GRID2: variants seen among roughly 807,000 people sequenced by gnomAD.
The protein encoded by GRID2 is glutamate ionotropic receptor delta type subunit 2.
Under a neutral mutation model 114.8 loss-of-function variants are expected in GRID2, and 33 were observed. That is an observed-to-expected ratio of 0.29 (90% CI 0.22 to 0.38). The LOEUF is 0.38. Ranked by LOEUF, GRID2 falls within the 10% of genes least tolerant of loss-of-function variation. GRID2 has a pLI of 1.00. For synonymous variants in GRID2, 505 were observed against 449.9 expected (o/e 1.12, Z -1.55); for missense variants, 1,184 against 1,257.7 (o/e 0.94, Z 0.89).
At chr4:92,652,147 GAAC>G (rs1485388317) in intron 2 of GRID2, among the ~76,000 whole-genome samples, 1 of 152,026 alleles carries the variant, frequency 6.6e-6, no homozygotes, top group Non-Finnish European at 1.5e-5. Flanking sequence ...ATTATGGGCA[GAAC>G]AAGATGGATT....
intron 1 of GRID2, among the ~76,000 whole-genome samples, chr4:92,440,613 C>T (rs953361516): frequency 4.0e-5 from 6 of 151,338 alleles, no homozygotes; most frequent in Admixed American, 2.6e-4. Flanking sequence ...TAGATTTCCA[C>T]GATGGAAAGG....
chr4:93,019,007 G>T (rs997969440), intron 2 of GRID2, among the ~76,000 whole-genome samples: 1 of 152,112 alleles, frequency 6.6e-6, no homozygotes, highest in Non-Finnish European at 1.5e-5. Flanking sequence ...TTCACAATAT[G>T]TGAGTTATCT....
At chr4:93,114,981 A>T (rs1733100766) in intron 4 of GRID2, among the ~76,000 whole-genome samples, 1 of 152,102 alleles carries the variant, frequency 6.6e-6, no homozygotes, top group Non-Finnish European at 1.5e-5. Flanking sequence ...GCTTAGCCAG[A>T]GTCAGAACAA....
chr4:92,531,329 A>G (rs1271271800), intron 1 of GRID2, among the ~76,000 whole-genome samples: 1 of 152,166 alleles, frequency 6.6e-6, no homozygotes, highest in Non-Finnish European at 1.5e-5. Context: ...GTTTTTCAGT[A>G]GAACATAATG....
At chr4:93,129,166 C>T (rs1734566230) in intron 4 of GRID2, among the ~76,000 whole-genome samples, 1 of 152,122 alleles carries the variant, frequency 6.6e-6, no homozygotes, top group African/African-American at 2.4e-5. Flanking sequence ...ACACAAATAA[C>T]TTTTTTATTA....
chr4:93,389,857 C>T (rs111887823), intron 8 of GRID2, among the ~76,000 whole-genome samples: 5,554 of 151,532 alleles, frequency 0.037, 136 homozygotes, highest in South Asian at 0.088. Context: ...GTGGCACCCT[C>T]GGCTCACGGC....
intron 14 of GRID2, among the ~76,000 whole-genome samples, chr4:93,713,317 A>C (rs1728641030): frequency 6.6e-6 from 1 of 152,042 alleles, no homozygotes; most frequent in Admixed American, 6.6e-5. Context: ...TGACATTTTA[A>C]AGTCTTATCC....
chr4:93,190,619 A>T (rs1003850496), intron 4 of GRID2, among the ~76,000 whole-genome samples: 4 of 152,164 alleles, frequency 2.6e-5, no homozygotes, highest in Non-Finnish European at 5.9e-5. Context: ...TAAGTTTCTT[A>T]GTCATATTCA....
chr4:93,184,420 A>G (rs888170611), intron 4 of GRID2, among the ~76,000 whole-genome samples: 5 of 147,390 alleles, frequency 3.4e-5, no homozygotes, highest in African/African-American at 1.3e-4. Flanking sequence ...AATTTTGTAT[A>G]TGCATTATCT....
chr4:93,378,177 C>T (rs540536878), intron 8 of GRID2, among the ~76,000 whole-genome samples: 8 of 152,060 alleles, frequency 5.3e-5, no homozygotes, highest in Non-Finnish European at 8.8e-5. Flanking sequence ...TGCCTGTCTG[C>T]TCTGAAAATA....
chr4:92,697,013 G>A (rs1362316625), intron 2 of GRID2, among the ~76,000 whole-genome samples: 1 of 152,124 alleles, frequency 6.6e-6, no homozygotes, highest in Non-Finnish European at 1.5e-5. Flanking sequence ...AATGACCCTT[G>A]TGAAATGAAT....
chr4:93,081,116 A>T (rs1194757840), intron 2 of GRID2, among the ~76,000 whole-genome samples: 1 of 131,066 alleles, frequency 7.6e-6, no homozygotes. Flanking sequence ...ACACATTCCA[A>T]CCACAGCAGT....
chr4:92,451,623 A>G (rs113645393), intron 1 of GRID2, among the ~76,000 whole-genome samples: 1 of 152,166 alleles, frequency 6.6e-6, no homozygotes, highest in Non-Finnish European at 1.5e-5. Flanking sequence ...AAATCCTTTG[A>G]GTGCTACAAA....
chr4:93,339,676 T>G (rs1439137310), intron 8 of GRID2, among the ~76,000 whole-genome samples: 1 of 152,206 alleles, frequency 6.6e-6, no homozygotes, highest in Non-Finnish European at 1.5e-5. Context: ...GAAAAAATTT[T>G]TCTTTATCTG....
chr4:93,195,058 G>T (rs972846871), intron 4 of GRID2, among the ~76,000 whole-genome samples: 1 of 152,050 alleles, frequency 6.6e-6, no homozygotes, highest in Non-Finnish European at 1.5e-5. Context: ...CAAGAATTTT[G>T]TTCTAATTTT....
At chr4:93,480,956 A>G (rs1725804352) in intron 11 of GRID2, among the ~76,000 whole-genome samples, 1 of 151,950 alleles carries the variant, frequency 6.6e-6, no homozygotes, top group Non-Finnish European at 1.5e-5. Flanking sequence ...AATTTCATGC[A>G]TTTTTGGTTC....
At chr4:92,515,417 A>T (rs1448409785) in intron 1 of GRID2, among the ~76,000 whole-genome samples, 1 of 151,952 alleles carries the variant, frequency 6.6e-6, no homozygotes, top group East Asian at 1.9e-4. Context: ...ATAAAAGATT[A>T]TATTGAATAA....
intron 1 of GRID2, among the ~76,000 whole-genome samples, chr4:92,437,549 G>A (rs1056116724): frequency 1.8e-4 from 27 of 152,194 alleles, no homozygotes; most frequent in Non-Finnish European, 7.3e-5. Flanking sequence ...GATTACAGGC[G>A]TGAGCTACTG....
intron 8 of GRID2, among the ~76,000 whole-genome samples, chr4:93,366,228 GA>G (rs775099189): frequency 1.3e-4 from 20 of 152,082 alleles, no homozygotes; most frequent in Non-Finnish European, 2.5e-4. Flanking sequence ...TCTCTTCTTT[GA>G]AAAGCAAATG....
Sources: gnomAD v4.1 joint callset for allele counts (sites outside exome capture counted in the v4.1 genomes callset) on GRCh38, gnomAD v4.1.1 for gene constraint, MANE v1.5 for transcripts, NCBI Gene and HGNC (gene_info 2026-07-23, HGNC 2026-07-21) for gene names.